Variants in SLC24A3 observed in about 807,000 individuals in gnomAD.
The protein encoded by SLC24A3 is sodium/potassium/calcium exchanger 3.
SLC24A3 carries 28 observed loss-of-function variants against 75.8 expected under a neutral mutation model. The ratio of observed to expected loss-of-function variants is 0.37; its 90% confidence interval spans 0.27 to 0.51. The LOEUF is 0.51. SLC24A3 is among the 20% of genes least tolerant of loss of function. The probability of loss-of-function intolerance (pLI) is 0.94; values close to 1 mark genes in which losing one functional copy is unlikely to be tolerated. For missense variants in SLC24A3, 663 were observed against 847.8 expected, an observed-to-expected ratio of 0.78 and a Z score of 2.71; for synonymous variants, 372 against 334.1, an observed-to-expected ratio of 1.11 and a Z score of -1.24.
At chr20:19,326,369 G>C (rs1424511498) in intron 2 of SLC24A3, among the ~76,000 whole-genome samples, 3 of 151,944 alleles carry the variant, frequency 2.0e-5, no homozygotes, top group Non-Finnish European at 4.4e-5. Flanking sequence ...CTATGGGCTG[G>C]GAGAGAACTA....
At chr20:19,463,479 TG>T (rs1312467914) in intron 2 of SLC24A3, among the ~76,000 whole-genome samples, 2 of 152,192 alleles carry the variant, frequency 1.3e-5, no homozygotes, top group African/African-American at 4.8e-5. Flanking sequence ...AAGGCACAGG[TG>T]AGCTTTTGAT....
At chr20:19,643,416 A>G (rs1242954493) in intron 6 of SLC24A3, among the ~76,000 whole-genome samples, 1 of 152,210 alleles carries the variant, frequency 6.6e-6, no homozygotes, top group Non-Finnish European at 1.5e-5. Flanking sequence ...ATCCTTCCCG[A>G]TATGAACCAG....
intron 2 of SLC24A3, among the ~76,000 whole-genome samples, chr20:19,350,118 A>G (rs575697214): frequency 6.6e-6 from 1 of 152,348 alleles, no homozygotes; most frequent in Non-Finnish European, 1.5e-5. Flanking sequence ...GCCAGGGATT[A>G]CTGAGAGTTA....
intron 1 of SLC24A3, among the ~76,000 whole-genome samples, chr20:19,239,310 C>A (rs112217523): frequency 6.6e-6 from 1 of 152,076 alleles, no homozygotes. Context: ...ACAGGTGATG[C>A]GTTTTCTAAA....
At position 19,470,290 on chromosome 20, in the gene SLC24A3, C is replaced by G. The variant is rs544073294; in HGVS notation, c.272-45198C>G. ...AATGTGGCTCAGAGATGACAATACC[C>G]AAATTAGAGATAGGAGGCTACACAG... is the stretch of plus-strand genomic sequence containing the variant. On this transcript the variant is annotated intron_variant, in intron 2 of 16. Transcript: ENST00000328041. Among the ~76,000 whole-genome samples the G allele has an allele frequency of 2.0e-5, 3 of 152,220 alleles. No homozygotes were observed. The South Asian group carries it at 6.2e-4, about 32-fold the overall frequency.
At position 19,693,556 on chromosome 20, in the gene SLC24A3, C is replaced by A. The variant is rs1481799869; in HGVS notation, c.1491+131C>A. 4.2e-6 allele frequency: 5 copies of A among 1,177,124 alleles called. No individual in the cohort carries two copies. The Admixed American group carries it at 8.5e-5, about 20-fold the overall frequency. The allele number at this position is 1,177,124 out of a possible 1,614,324, so 72.9% of individuals were successfully genotyped here. On this transcript the variant is annotated intron_variant, in intron 13 of 16. Coordinates refer to ENST00000328041, the MANE Select transcript of SLC24A3 (RefSeq NM_020689.4). ...ACAATAAGCTGCACAACGAACCACT[C>A]CTAAACTTAGTAGTTTAGAATTGCA...
intron 2 of SLC24A3, among the ~76,000 whole-genome samples, chr20:19,352,150 CTG>C (rs896806291): frequency 3.4e-4 from 52 of 152,058 alleles, no homozygotes; most frequent in Non-Finnish European, 1.5e-4. Flanking sequence ...GGGGGTAGTT[CTG>C]TGGCTTAAAT....
At chr20:19,251,222 G>C (rs1439584243) in intron 1 of SLC24A3, among the ~76,000 whole-genome samples, 1 of 152,176 alleles carries the variant, frequency 6.6e-6, no homozygotes, top group Non-Finnish European at 1.5e-5. Context: ...CAAGCTTTTA[G>C]GCCAGTGTAG....
intron 3 of SLC24A3, among the ~76,000 whole-genome samples, chr20:19,577,077 CAG>C (rs1491588940): frequency 6.7e-6 from 1 of 150,278 alleles, no homozygotes; most frequent in Non-Finnish European, 1.5e-5. Flanking sequence ...TTTTTTGAGA[CAG>C]AGTCTCACTC....
chr20:19,294,930 A>C (rs1265133687), intron 2 of SLC24A3, among the ~76,000 whole-genome samples: 2 of 152,200 alleles, frequency 1.3e-5, no homozygotes, highest in African/African-American at 4.8e-5. Flanking sequence ...CTATTTCTCC[A>C]CAGCCTTACC....
intron 1 of SLC24A3, among the ~76,000 whole-genome samples, chr20:19,253,376 G>A (rs1982719784): frequency 6.6e-6 from 1 of 152,218 alleles, no homozygotes; most frequent in Non-Finnish European, 1.5e-5. Flanking sequence ...CGCAGCACAG[G>A]CTCATGTTGC....
intron 3 of SLC24A3, among the ~76,000 whole-genome samples, chr20:19,554,629 C>A (rs768458915): frequency 1.1e-4 from 16 of 152,202 alleles, no homozygotes; most frequent in Non-Finnish European, 2.1e-4. Flanking sequence ...CCATGCAAAG[C>A]CTCTAATGGG....
At chr20:19,503,877 T>G (rs1361375776) in intron 2 of SLC24A3, among the ~76,000 whole-genome samples, 2 of 152,210 alleles carry the variant, frequency 1.3e-5, no homozygotes, top group Non-Finnish European at 2.9e-5. Flanking sequence ...CTCCCCCTTT[T>G]AAATGGATTA....
chr20:19,279,041 G>A (rs1285258652), intron 1 of SLC24A3, among the ~76,000 whole-genome samples: 1 of 152,244 alleles, frequency 6.6e-6, no homozygotes, highest in Non-Finnish European at 1.5e-5. Context: ...TGAGCCAGCA[G>A]TGATCAGGTG....
intron 2 of SLC24A3, among the ~76,000 whole-genome samples, chr20:19,385,024 T>C (rs1163276405): frequency 6.6e-6 from 1 of 152,212 alleles, no homozygotes; most frequent in Non-Finnish European, 1.5e-5. Context: ...GAGTTCCTTA[T>C]CCATTCTAGA....
At chr20:19,520,488 C>T (rs989892023) in intron 3 of SLC24A3, among the ~76,000 whole-genome samples, 3 of 152,198 alleles carry the variant, frequency 2.0e-5, no homozygotes, top group Non-Finnish European at 2.9e-5. Flanking sequence ...TCCATCTTCA[C>T]ACTCCTGTGT....
chr20:19,553,210 CCTCT>C (rs2030729860), intron 3 of SLC24A3, among the ~76,000 whole-genome samples: 1 of 152,034 alleles, frequency 6.6e-6, no homozygotes, highest in African/African-American at 2.4e-5. Flanking sequence ...CGTGTGCACA[CCTCT>C]GTGTGCACAT....
intron 2 of SLC24A3, among the ~76,000 whole-genome samples, chr20:19,285,588 A>G (rs977458358): frequency 6.6e-6 from 1 of 151,298 alleles, no homozygotes; most frequent in Non-Finnish European, 1.5e-5. Context: ...AACTGCATGA[A>G]CAAGACTGAC....
chr20:19,590,669 A>C (rs934873523), intron 6 of SLC24A3, among the ~76,000 whole-genome samples: 1 of 152,222 alleles, frequency 6.6e-6, no homozygotes, highest in Non-Finnish European at 1.5e-5. Context: ...GTGCAGGAGT[A>C]GACCAAGGCC....
Sources: gnomAD v4.1 joint callset for allele counts (sites outside exome capture counted in the v4.1 genomes callset) on GRCh38, gnomAD v4.1.1 for gene constraint, MANE v1.5 for transcripts, NCBI Gene and HGNC (gene_info 2026-07-23, HGNC 2026-07-21) for gene names.